Variants in PBX1 observed in about 807,000 individuals in gnomAD.
The protein encoded by PBX1 is PBX homeobox 1, also known as pre-B-cell leukemia transcription factor 1.
PBX1 carries 6 observed loss-of-function variants against 53.4 expected under a neutral mutation model. The ratio of observed to expected loss-of-function variants is 0.11; its 90% CI spans 0.06 to 0.22. PBX1 has a LOEUF of 0.22. Among genes scored for constraint, PBX1 ranks in the 10% least tolerant of loss-of-function variants. PBX1 has a pLI of 1.00. For synonymous variants in PBX1, 204 were observed against 212.3 expected, an observed-to-expected ratio of 0.96 and a Z score of 0.34; for missense variants, 251 against 551.4, an observed-to-expected ratio of 0.46 and a Z score of 5.46.
Position 164,847,361 on chromosome 1 carries a change from T to C in PBX1, c.*685T>C. 5.6e-6 allele frequency: 6 copies of C among 1,064,722 alleles called. No homozygotes were observed. Among genetic ancestry groups the C allele is most frequent in the Non-Finnish European group, 6.8e-6 (6 of 878,930 alleles). The allele number at this position is 1,064,722 out of a possible 1,614,324, so 66.0% of individuals were successfully genotyped here. On this transcript the variant is annotated 3_prime_UTR_variant, in exon 9 of 9. Transcript: ENST00000420696. ...ATTTTTCAGTTTCATCTCCACTAGGTTGGTTCCCGGGCAGGAAGTCAGGCA... is the reference window on the plus strand; with the variant it reads ...ATTTTTCAGTTTCATCTCCACTAGGCTGGTTCCCGGGCAGGAAGTCAGGCA...
intron 2 of PBX1, among the ~76,000 whole-genome samples, chr1:164,865,063 C>T (rs952941480): frequency 6.6e-6 from 1 of 152,178 alleles, no homozygotes; most frequent in African/African-American, 2.4e-5. Flanking sequence ...ATATTGGCAC[C>T]ACCAATTTGT....
chr1:164,786,096 G>C (rs2102285732), intron 2 of PBX1, among the ~76,000 whole-genome samples: 1 of 152,340 alleles, frequency 6.6e-6, no homozygotes, highest in East Asian at 1.9e-4. Flanking sequence ...AATGCAGGGG[G>C]AAAGAGAGCA....
At chr1:164,735,152 A>G (rs541580307) in intron 2 of PBX1, among the ~76,000 whole-genome samples, 1 of 152,340 alleles carries the variant, frequency 6.6e-6, no homozygotes, top group African/African-American at 2.4e-5. Context: ...CACCACAATT[A>G]TTTGAAAAAA....
intron 8 of PBX1, chr1:164,828,341 T>C (rs929708615): frequency 1.1e-4 from 16 of 152,178 alleles, no homozygotes; most frequent in African/African-American, 3.9e-4. Context: ...CAGTTTCTCA[T>C]GATAGGACTC....
At chr1:164,649,995 C>T (rs1659692255) in intron 2 of PBX1, among the ~76,000 whole-genome samples, 2 of 152,088 alleles carry the variant, frequency 1.3e-5, no homozygotes, top group Non-Finnish European at 2.9e-5. Context: ...ACTCCTCTCT[C>T]TGAGGAAGGG....
intron 2 of PBX1, among the ~76,000 whole-genome samples, chr1:164,676,327 G>A (rs1661431674): frequency 6.6e-6 from 1 of 151,978 alleles, no homozygotes. Context: ...CATAGAGTAG[G>A]TCTGTCTAGC....
chr1:164,743,931 T>C (rs1434335668), intron 2 of PBX1, among the ~76,000 whole-genome samples: 1 of 152,218 alleles, frequency 6.6e-6, no homozygotes, highest in Non-Finnish European at 1.5e-5. Flanking sequence ...AGAAATGTAA[T>C]AATTTACCTG....
intron 2 of PBX1, among the ~76,000 whole-genome samples, chr1:164,880,946 A>G (rs1672631337): frequency 6.6e-6 from 1 of 152,222 alleles, no homozygotes; most frequent in Non-Finnish European, 1.5e-5. Context: ...TGTTAATGGG[A>G]ACACTCTGAA....
chr1:164,672,916 C>A (rs748501110), intron 2 of PBX1, among the ~76,000 whole-genome samples: 15 of 152,112 alleles, frequency 9.9e-5, no homozygotes, highest in Admixed American at 2.0e-4. Context: ...CATCCTTTTC[C>A]TCCTTTCTTT....
At chr1:164,698,565 C>T (rs550778014) in intron 2 of PBX1, among the ~76,000 whole-genome samples, 36 of 152,192 alleles carry the variant, frequency 2.4e-4, no homozygotes, top group African/African-American at 8.7e-4. Flanking sequence ...TTGCCAGCCT[C>T]CCGCATCTGA....
chr1:164,748,264 G>T (rs915995523), intron 2 of PBX1, among the ~76,000 whole-genome samples: 3 of 152,174 alleles, frequency 2.0e-5, no homozygotes, highest in Non-Finnish European at 2.9e-5. Flanking sequence ...TCCAGGGTAC[G>T]TGGAGAGCCA....
chr1:164,781,250 A>G (rs753733487), intron 2 of PBX1, among the ~76,000 whole-genome samples: 4 of 152,138 alleles, frequency 2.6e-5, no homozygotes, highest in Non-Finnish European at 5.9e-5. Flanking sequence ...GGCACCCATA[A>G]ATAGACCCAG....
chr1:164,665,161 C>T (rs948740788), intron 2 of PBX1, among the ~76,000 whole-genome samples: 3 of 152,114 alleles, frequency 2.0e-5, no homozygotes, highest in South Asian at 4.1e-4. Flanking sequence ...ATAGCTGTAT[C>T]GGTCAGAAAT....
At chr1:164,871,999 G>T (rs560790584) in intron 2 of PBX1, among the ~76,000 whole-genome samples, 1 of 152,162 alleles carries the variant, frequency 6.6e-6, no homozygotes, top group Non-Finnish European at 1.5e-5. Context: ...AATATTGAAA[G>T]AAATAATACT....
chr1:164,858,252 C>T (rs896815042), intron 2 of PBX1, among the ~76,000 whole-genome samples: 3 of 151,908 alleles, frequency 2.0e-5, no homozygotes, highest in South Asian at 2.1e-4. Flanking sequence ...AAAATCTGAG[C>T]GAACCTGATT....
At chr1:164,828,588 C>A (rs1327660159) in intron 8 of PBX1, 1 of 152,250 alleles carries the variant, frequency 6.6e-6, no homozygotes, top group East Asian at 1.9e-4. Context: ...GCCATGCTGT[C>A]CTCAGGCTAG....
At chr1:164,726,934 A>C (rs1664729095) in intron 2 of PBX1, among the ~76,000 whole-genome samples, 1 of 152,230 alleles carries the variant, frequency 6.6e-6, no homozygotes, top group South Asian at 2.1e-4. Context: ...TACCCCCAAG[A>C]GATTCACTTA....
In PBX1 at chr1:164,874,717, C is replaced by T. The variant is rs1672464227; in HGVS notation, n.258-24471C>T. The stretch of plus-strand genomic sequence containing the variant: ...CCATGTTGGCCTGGCTGGTCTCGAA[C>T]TCCTGACCTCAAGTGATCTGCCTGC... On this transcript the variant is annotated intron_variant and non_coding_transcript_variant, in intron 2 of 2. Coordinates refer to the PBX1 transcript ENST00000558796. Among the ~76,000 whole-genome samples the T allele has an allele frequency of 2.0e-5, 3 of 152,208 alleles. No individual in the cohort carries two copies. In the South Asian group the frequency reaches 6.2e-4, roughly 32 times the overall value.
chr1:164,811,184 G>A (rs1004211822), intron 5 of PBX1, among the ~76,000 whole-genome samples: 1 of 152,154 alleles, frequency 6.6e-6, no homozygotes, highest in Admixed American at 6.5e-5. Context: ...AATTATGGGG[G>A]TAAAACTTGA....
Sources: gnomAD v4.1 joint callset for allele counts (sites outside exome capture counted in the v4.1 genomes callset) on GRCh38, gnomAD v4.1.1 for gene constraint, MANE v1.5 for transcripts, NCBI Gene and HGNC (gene_info 2026-07-23, HGNC 2026-07-21) for gene names.